Variants in PROSER3 observed in about 807,000 individuals in gnomAD.
PROSER3 encodes the protein proline and serine rich 3.
In PROSER3, 33 loss-of-function variants were observed where a neutral mutation model predicts 50.2. The observed-to-expected ratio is 0.66, with a 90% CI of 0.50 to 0.88. The LOEUF is 0.88. PROSER3 is among the 40% of genes least tolerant of loss of function. PROSER3 has a pLI of 0.00. For synonymous variants in PROSER3, 266 were observed against 259.3 expected (o/e 1.03, Z -0.25); for missense variants, 623 against 612.7 (o/e 1.02, Z -0.18).
intron 5 of PROSER3, chr19:35,762,562 AAG>A (rs57111226): frequency 1.0e-3 from 413 of 401,216 alleles, no homozygotes; most frequent in South Asian, 2.2e-3. Flanking sequence ...AAAAAAAAAA[AAG>A]AGAGAGAGAG....
chr19:35,759,629 C>T (rs1473807417), intron 2 of PROSER3, 159 bp downstream of exon 2: 2 of 974,664 alleles, frequency 2.1e-6, no homozygotes, highest in African/African-American at 1.6e-5. Context: ...CTCTCTACCA[C>T]CTGGATTCCC....
chr19:35,767,154 C>A, intron 8 of PROSER3: 1 of 637,620 alleles, frequency 1.6e-6, no homozygotes, highest in Non-Finnish European at 2.5e-6. Context: ...GTGGCCCAGC[C>A]TGGTCCACCA....
chr19:35,767,426 A>C (rs1222522361), intron 8 of PROSER3: 12 of 129,904 alleles, frequency 9.2e-5, no homozygotes, highest in South Asian at 2.9e-4. Flanking sequence ...CCCAGCCTCC[A>C]CCCCGGCTCC....
At chr19:35,763,934 G>A (rs1334696959) in intron 5 of PROSER3, among the ~76,000 whole-genome samples, 3 of 151,236 alleles carry the variant, frequency 2.0e-5, no homozygotes, top group Non-Finnish European at 1.5e-5. Context: ...ACTACAGCAT[G>A]CGCCACCATG....
intron 5 of PROSER3, among the ~76,000 whole-genome samples, chr19:35,763,440 C>T (rs1044314969): frequency 2.2e-4 from 33 of 151,018 alleles, no homozygotes; most frequent in Admixed American, 4.6e-4. Flanking sequence ...TCCTGACCTC[C>T]GGCAATCCGC....
chr19:35,763,264 C>T (rs1438041685), intron 5 of PROSER3, among the ~76,000 whole-genome samples: 1 of 150,636 alleles, frequency 6.6e-6, no homozygotes, highest in African/African-American at 2.5e-5. Context: ...TACAGTGGCG[C>T]CATCTCAGCT....
intron 8 of PROSER3, 33 bp downstream of exon 8, chr19:35,766,988 C>T (rs373793251): frequency 2.8e-5 from 43 of 1,530,124 alleles, no homozygotes; most frequent in Non-Finnish European, 3.5e-5. Flanking sequence ...CTGGGGGGAG[C>T]TGGAGGAGGG....
chr19:35,762,382 T>A (rs1353284544), intron 5 of PROSER3, 26 bp downstream of exon 5: 1 of 1,554,488 alleles, frequency 6.4e-7, no homozygotes, highest in African/African-American at 1.4e-5. Flanking sequence ...ACTCCCTCCC[T>A]TGGGTGCCTG....
chr19:35,766,661 G>A (rs1323809236), intron 7 of PROSER3, 107 bp from the exon 8 acceptor site: 1 of 761,462 alleles, frequency 1.3e-6, no homozygotes, highest in African/African-American at 1.8e-5. Context: ...TGGAGAGCCT[G>A]TCTGAGTAAC....
chr19:35,768,468 CCAG>C (rs776851819), exon 11 of PROSER3: 1 of 1,598,270 alleles, frequency 6.3e-7, no homozygotes, highest in Admixed American at 1.7e-5. Context: ...TTGGTCCCCT[CCAG>C]CCGGGTCGCC....
At chr19:35,763,626 C>T (rs1971036321) in intron 5 of PROSER3, among the ~76,000 whole-genome samples, 1 of 151,114 alleles carries the variant, frequency 6.6e-6, no homozygotes, top group East Asian at 1.9e-4. Context: ...GCCTCAGCCT[C>T]CCGAGTAGCT....
At chr19:35,762,137 A>G in exon 4 of PROSER3, 1 of 1,597,652 alleles carries the variant, frequency 6.3e-7, no homozygotes, top group South Asian at 1.1e-5. Context: ...CAGCAGTCAA[A>G]GTGCAGCAGG....
intron 2 of PROSER3, 76 bp from the exon 3 acceptor site, chr19:35,759,713 G>T: frequency 7.4e-7 from 1 of 1,356,572 alleles, no homozygotes; most frequent in Non-Finnish European, 1.0e-6. Flanking sequence ...GAGACTTTGT[G>T]TGTGTCCTGG....
chr19:35,759,388 C>A (rs755839271), exon 2 of PROSER3: 2 of 1,613,550 alleles, frequency 1.2e-6, no homozygotes, highest in South Asian at 2.2e-5. Context: ...CCAGTTTTCT[C>A]CATTCAAGAT....
At chr19:35,768,851 A>G (rs1478810154) in exon 11 of PROSER3, 6 of 230,266 alleles carry the variant, frequency 2.6e-5, no homozygotes. Flanking sequence ...GGACCAAAGG[A>G]CTGCCCTCCA....
chr19:35,759,974 G>C (rs374844652), exon 3 of PROSER3: 4 of 1,596,284 alleles, frequency 2.5e-6, no homozygotes, highest in Non-Finnish European at 3.4e-6. Flanking sequence ...TTGACAGCGG[G>C]GACTCCGTGG....
At chr19:35,764,510 G>T (rs560517497) in intron 5 of PROSER3, among the ~76,000 whole-genome samples, 1 of 152,254 alleles carries the variant, frequency 6.6e-6, no homozygotes, top group African/African-American at 2.4e-5. Flanking sequence ...TACAAAATTA[G>T]CCGAGCGTGG....
At chr19:35,763,750 C>T (rs1039793882) in intron 5 of PROSER3, among the ~76,000 whole-genome samples, 1 of 151,446 alleles carries the variant, frequency 6.6e-6, no homozygotes, top group Non-Finnish European at 1.5e-5. Flanking sequence ...TTGTGATCCA[C>T]CCACCTCGGC....
chr19:35,761,928 T>C, intron 3 of PROSER3, 91 bp from the exon 4 acceptor site: 4 of 1,382,786 alleles, frequency 2.9e-6, no homozygotes, highest in Non-Finnish European at 3.9e-6. Context: ...GGCTCTGCCA[T>C]GGTGCTTGGT....
Sources: gnomAD v4.1 joint callset for allele counts (sites outside exome capture counted in the v4.1 genomes callset) on GRCh38, gnomAD v4.1.1 for gene constraint, MANE v1.5 for transcripts, NCBI Gene and HGNC (gene_info 2026-07-23, HGNC 2026-07-21) for gene names.